Variants in KCNK13 observed in about 807,000 individuals in gnomAD.
The protein encoded by KCNK13 is potassium channel subfamily K member 13.
A neutral mutation model predicts 23.4 loss-of-function variants in KCNK13; 12 were observed. The ratio of observed to expected loss-of-function variants is 0.51; its 90% CI spans 0.33 to 0.83. The LOEUF (loss-of-function observed/expected upper bound fraction) is 0.83. Ranked by LOEUF, KCNK13 falls within the 40% of genes least tolerant of loss-of-function variation. The probability of loss-of-function intolerance (pLI) is 0.02; values close to 1 mark genes in which losing one functional copy is unlikely to be tolerated. For synonymous variants in KCNK13, 231 were observed against 229.5 expected (o/e 1.01, Z -0.06); for missense variants, 463 against 556.3 (o/e 0.83, Z 1.69).
intron 1 of KCNK13, among the ~76,000 whole-genome samples, chr14:90,070,835 G>A (rs756332041): frequency 1.3e-5 from 2 of 152,214 alleles, no homozygotes; most frequent in African/African-American, 2.4e-5. Flanking sequence ...GAGAAAACTG[G>A]AAGAGTAGCT....
At chr14:90,171,801 A>G (rs1001027357) in intron 1 of KCNK13, among the ~76,000 whole-genome samples, 11 of 152,230 alleles carry the variant, frequency 7.2e-5, no homozygotes, top group Non-Finnish European at 1.5e-4. Flanking sequence ...GACTTTGAAT[A>G]GAATGAGAGG....
At position 90,184,422 on chromosome 14, in the gene KCNK13, T is replaced by A; in HGVS notation, c.646T>A (p.Tyr216Asn). 3 of 1,614,250 alleles carry A rather than the reference T, an allele frequency of 1.9e-6. No individual in the cohort carries two copies. Among genetic ancestry groups the A allele is most frequent in the Non-Finnish European group, 2.5e-6 (3 of 1,180,038 alleles). Residue 216 changes from tyrosine to asparagine, a missense_variant, in exon 2 of 2, where the codon TAC (tyrosine) becomes AAC (asparagine). Coordinates refer to ENST00000282146, the MANE Select transcript of KCNK13 (RefSeq NM_022054.4). This position sits in a 1 kb window ranked among gnomAD's most constrained non-coding sequence, Gnocchi z 5.6. ...ILISCCASAM[Y>N]TPIEGWSYFD... ...CATCTCTTGCTGCGCCTCAGCCATG[T>A]ACACCCCCATTGAAGGCTGGAGCTA...
chr14:90,136,301 G>A (rs759850731), intron 1 of KCNK13, among the ~76,000 whole-genome samples: 2 of 152,112 alleles, frequency 1.3e-5, no homozygotes, highest in Non-Finnish European at 2.9e-5. Flanking sequence ...TGTCCATCAT[G>A]GTCCCTTCTA....
chr14:90,131,258 G>T (rs766615878), intron 1 of KCNK13, among the ~76,000 whole-genome samples: 6 of 151,894 alleles, frequency 4.0e-5, no homozygotes, highest in Non-Finnish European at 7.4e-5. Flanking sequence ...TTGAGACAGA[G>T]TCTCACTCTG....
intron 1 of KCNK13, among the ~76,000 whole-genome samples, chr14:90,087,137 T>C (rs1014895217): frequency 8.8e-6 from 1 of 113,164 alleles, no homozygotes; most frequent in African/African-American, 3.5e-5. Context: ...TACATATATA[T>C]ATATATATAT....
intron 1 of KCNK13, among the ~76,000 whole-genome samples, chr14:90,165,681 T>C (rs1890294762): frequency 6.6e-6 from 1 of 152,218 alleles, no homozygotes; most frequent in African/African-American, 2.4e-5. Flanking sequence ...TTCACAATTT[T>C]AGAAGTTAAG....
chr14:90,065,232 A>T (rs1888994455), intron 1 of KCNK13, among the ~76,000 whole-genome samples: 1 of 152,224 alleles, frequency 6.6e-6, no homozygotes, highest in African/African-American at 2.4e-5. Context: ...CTAAAAATTA[A>T]TTCCACCATG....
At chr14:90,087,624 C>A (rs1249881732) in intron 1 of KCNK13, among the ~76,000 whole-genome samples, 4 of 152,188 alleles carry the variant, frequency 2.6e-5, no homozygotes, top group Non-Finnish European at 4.4e-5. Flanking sequence ...GTTGCTCAAT[C>A]ACTGCGCAGC....
At chr14:90,139,110 A>G (rs762484377) in intron 1 of KCNK13, among the ~76,000 whole-genome samples, 2 of 152,206 alleles carry the variant, frequency 1.3e-5, no homozygotes, top group Non-Finnish European at 2.9e-5. Flanking sequence ...AGCACTGGAG[A>G]TGCTAACTGG....
intron 1 of KCNK13, among the ~76,000 whole-genome samples, chr14:90,079,375 A>T (rs974996900): frequency 2.0e-5 from 3 of 152,174 alleles, no homozygotes; most frequent in African/African-American, 4.8e-5. Context: ...GGAAAAGTCA[A>T]ATGAGGTTAT....
chr14:90,071,648 G>A (rs1309505708), intron 1 of KCNK13, among the ~76,000 whole-genome samples: 2 of 152,116 alleles, frequency 1.3e-5, no homozygotes, highest in African/African-American at 4.8e-5. Context: ...TAGAAGGAAG[G>A]AGAGAATTGG....
chr14:90,109,409 CT>C (rs557644405), intron 1 of KCNK13, among the ~76,000 whole-genome samples: 186 of 123,300 alleles, frequency 1.5e-3, no homozygotes, highest in African/African-American at 3.6e-3. Context: ...CTTTTCTTTC[CT>C]TTTTTTTTTT....
chr14:90,166,476 C>T (rs568708194), intron 1 of KCNK13, among the ~76,000 whole-genome samples: 4 of 152,254 alleles, frequency 2.6e-5, no homozygotes, highest in African/African-American at 7.2e-5. Flanking sequence ...GGTGCTAAGG[C>T]GGGCAGACCA....
intron 1 of KCNK13, among the ~76,000 whole-genome samples, chr14:90,101,812 A>AAAAAC (rs1889483919): frequency 6.8e-6 from 1 of 147,670 alleles, no homozygotes; most frequent in East Asian, 2.0e-4. Flanking sequence ...AAAAAAAAAA[A>AAAAAC]CCTCACAAGT....
At chr14:90,097,540 TC>T (rs1889426577) in intron 1 of KCNK13, among the ~76,000 whole-genome samples, 1 of 152,148 alleles carries the variant, frequency 6.6e-6, no homozygotes, top group Admixed American at 6.6e-5. Flanking sequence ...ACATTGGGGA[TC>T]AAATTTCAGC....
At chr14:90,093,692 ATTCAC>A in intron 1 of KCNK13, among the ~76,000 whole-genome samples, 1 of 152,162 alleles carries the variant, frequency 6.6e-6, no homozygotes, top group East Asian at 1.9e-4. Flanking sequence ...TCTGTCTCCC[ATTCAC>A]TTGCAGAGAA....
At chr14:90,105,608 GTCTTTAACTACAAAA>G (rs1566952388) in intron 1 of KCNK13, among the ~76,000 whole-genome samples, 2 of 151,930 alleles carry the variant, frequency 1.3e-5, no homozygotes, top group African/African-American at 4.8e-5. Context: ...CAAGCTTTGA[GTCTTTAACTACAAAA>G]TCCATTGTCT....
chr14:90,094,645 CTTTTT>C (rs778654067), intron 1 of KCNK13, among the ~76,000 whole-genome samples: 295 of 111,608 alleles, frequency 2.6e-3, no homozygotes, highest in Middle Eastern at 5.1e-3. Flanking sequence ...TCTTTTTTTT[CTTTTT>C]TTTTTTTTTT....
intron 1 of KCNK13, among the ~76,000 whole-genome samples, chr14:90,070,932 C>A (rs1889067275): frequency 6.6e-6 from 1 of 152,132 alleles, no homozygotes; most frequent in South Asian, 2.1e-4. Context: ...TCAGACAGTC[C>A]ATTCTGAGAA....
Sources: allele counts gnomAD v4.1 joint callset (sites outside exome capture counted in the v4.1 genomes callset), GRCh38; gene constraint gnomAD v4.1.1; non-coding constraint Gnocchi (gnomAD v3.1); transcripts MANE v1.5; gene names NCBI Gene and HGNC (gene_info 2026-07-23, HGNC 2026-07-21).